The following ANK1 variants were observed in gnomAD, a reference collection of about 807,000 sequenced individuals.
ANK1 encodes ankyrin 1.
Under a neutral mutation model 210.4 loss-of-function variants are expected in ANK1, and 51 were observed. The ratio of observed to expected loss-of-function variants is 0.24; its 90% CI spans 0.19 to 0.31. ANK1 has a LOEUF of 0.31. ANK1 is among the 10% of genes least tolerant of loss of function. The pLI is 1.00. For missense variants in ANK1, 2,051 were observed against 2,504.4 expected (o/e 0.82, Z 3.86); for synonymous variants, 967 against 1,025.9 (o/e 0.94, Z 1.10).
At chr8:41,657,773 G>T (rs542500529) in intron 42 of ANK1, among the ~76,000 whole-genome samples, 1 of 152,346 alleles carries the variant, frequency 6.6e-6, no homozygotes, top group East Asian at 1.9e-4. Context: ...GCAGGGGTGA[G>T]ATGAGGACCT....
chr8:41,727,864 T>C lies in ANK1; in HGVS notation c.327+44A>G, dbSNP rs147890586. Reference sequence around the variant, plus strand: ...GAGGGAGCAGCAAAGAGGAACCACCTGTGGAAAGGCAACACCCTCTAGTCC... The same window carrying C: ...GAGGGAGCAGCAAAGAGGAACCACCCGTGGAAAGGCAACACCCTCTAGTCC... On this transcript the variant is annotated intron_variant, in intron 4 of 42. Coordinates refer to ENST00000289734, the MANE Select transcript of ANK1 (RefSeq NM_000037.4). 54 of 1,595,238 alleles carry C rather than the reference T, an allele frequency of 3.4e-5. No homozygotes were observed. The Middle Eastern group carries it at 5.0e-4, about 15-fold the overall frequency.
At chr8:41,689,294 T>C (rs1818604408) in intron 33 of ANK1, among the ~76,000 whole-genome samples, 1 of 116,954 alleles carries the variant, frequency 8.6e-6, no homozygotes, top group Non-Finnish European at 1.9e-5. Flanking sequence ...AGCTAATTTT[T>C]CATTTTTTTT....
At chr8:41,666,081 C>T (rs909748794) in intron 39 of ANK1, among the ~76,000 whole-genome samples, 9 of 152,238 alleles carry the variant, frequency 5.9e-5, no homozygotes, top group African/African-American at 2.2e-4. Flanking sequence ...CCCTGCAACT[C>T]ACCTACTGTG....
intron 37 of ANK1, among the ~76,000 whole-genome samples, chr8:41,675,517 C>T (rs776295887): frequency 1.3e-5 from 2 of 152,160 alleles, no homozygotes; most frequent in Admixed American, 6.5e-5. Flanking sequence ...TAGCAACTTG[C>T]GGAAGGCCAT....
chr8:41,881,400 T>C (rs11989112), intron 1 of ANK1, among the ~76,000 whole-genome samples: 24,570 of 152,228 alleles, frequency 0.16, 2,069 homozygotes, highest in South Asian at 0.26. Context: ...TCTATGTCTA[T>C]ATCTATATCT....
At chr8:41,893,513 A>G (rs1247160872) in intron 1 of ANK1, among the ~76,000 whole-genome samples, 1 of 152,192 alleles carries the variant, frequency 6.6e-6, no homozygotes, top group Non-Finnish European at 1.5e-5. Context: ...CCCCTTAGCA[A>G]GCACCTTCCC....
At chr8:41,845,994 T>G (rs1319913618) in intron 1 of ANK1, among the ~76,000 whole-genome samples, 2 of 152,202 alleles carry the variant, frequency 1.3e-5, no homozygotes, top group African/African-American at 4.8e-5. Flanking sequence ...AATAGAAGTT[T>G]CAGATTTCAG....
chr8:41,846,805 C>T (rs374349491), intron 1 of ANK1, among the ~76,000 whole-genome samples: 23 of 152,310 alleles, frequency 1.5e-4, no homozygotes, highest in Middle Eastern at 3.4e-3. Flanking sequence ...ACCCTCCCAC[C>T]CTGCTCTGCA....
chr8:41,721,567 G>C (rs1410678923), intron 9 of ANK1, among the ~76,000 whole-genome samples: 1 of 148,376 alleles, frequency 6.7e-6, no homozygotes, highest in African/African-American at 2.5e-5. Flanking sequence ...TGAGGCACGA[G>C]AATCGATTGA....
At chr8:41,887,242 C>T (rs1207053497) in intron 1 of ANK1, among the ~76,000 whole-genome samples, 4 of 80,710 alleles carry the variant, frequency 5.0e-5, no homozygotes, top group South Asian at 5.0e-4. Context: ...CTTTCCTTTC[C>T]TTTTTTTTTT....
intron 1 of ANK1, among the ~76,000 whole-genome samples, chr8:41,764,652 T>C (rs1841333190): frequency 6.6e-6 from 1 of 152,186 alleles, no homozygotes; most frequent in Admixed American, 6.5e-5. Flanking sequence ...CCACCAAAGC[T>C]GTCTTCTGGT....
At chr8:41,880,461 C>T (rs1377520231) in intron 1 of ANK1, among the ~76,000 whole-genome samples, 2 of 152,198 alleles carry the variant, frequency 1.3e-5, no homozygotes, top group Non-Finnish European at 2.9e-5. Flanking sequence ...TAATGCTCAG[C>T]TGTGAACCCC....
intron 1 of ANK1, among the ~76,000 whole-genome samples, chr8:41,884,898 T>C (rs1312789314): frequency 6.6e-6 from 1 of 151,966 alleles, no homozygotes; most frequent in Non-Finnish European, 1.5e-5. Context: ...GGGAGCACCC[T>C]GCGCAAGGTG....
At chr8:41,859,883 C>A (rs537071174) in intron 1 of ANK1, among the ~76,000 whole-genome samples, 2 of 152,244 alleles carry the variant, frequency 1.3e-5, no homozygotes, top group Admixed American at 6.5e-5. Context: ...TGGCCCCAAC[C>A]AGCTGGAAGA....
intron 1 of ANK1, among the ~76,000 whole-genome samples, chr8:41,808,780 C>T (rs570302640): frequency 1.1e-4 from 16 of 152,228 alleles, no homozygotes; most frequent in African/African-American, 2.9e-4. Flanking sequence ...CTAATTTAAA[C>T]GTTACAGTTA....
chr8:41,721,690 C>G (rs1829326479), intron 9 of ANK1, among the ~76,000 whole-genome samples: 1 of 139,578 alleles, frequency 7.2e-6, no homozygotes, highest in African/African-American at 2.6e-5. Context: ...AAAAAAGAAC[C>G]AACCCTGCTG....
At chr8:41,733,692 G>GAGAA (rs1480129019) in intron 3 of ANK1, among the ~76,000 whole-genome samples, 2 of 152,206 alleles carry the variant, frequency 1.3e-5, no homozygotes, top group African/African-American at 4.8e-5. Flanking sequence ...CTTGGACACT[G>GAGAA]AGTTCGAGTC....
At chr8:41,678,585 C>A (rs1814953294) in intron 37 of ANK1, among the ~76,000 whole-genome samples, 1 of 152,216 alleles carries the variant, frequency 6.6e-6, no homozygotes, top group Admixed American at 6.5e-5. Context: ...GTTTCTCTTG[C>A]TGTATTGTCA....
At chr8:41,740,380 G>A (rs963920823) in intron 2 of ANK1, among the ~76,000 whole-genome samples, 5 of 151,650 alleles carry the variant, frequency 3.3e-5, no homozygotes, top group African/African-American at 7.3e-5. Flanking sequence ...GGCTGGTCTC[G>A]AACTCCTGAA....
Sources: allele counts gnomAD v4.1 joint callset (sites outside exome capture counted in the v4.1 genomes callset), GRCh38; gene constraint gnomAD v4.1.1; transcripts MANE v1.5; gene names NCBI Gene and HGNC (gene_info 2026-07-23, HGNC 2026-07-21).